FOXP1: variants seen among roughly 807,000 people sequenced by gnomAD.
FOXP1 encodes forkhead box protein P1.
Under a neutral mutation model 98.2 loss-of-function variants are expected in FOXP1, and 15 were observed. That is an observed-to-expected ratio of 0.15 (90% confidence interval 0.10 to 0.24). The LOEUF (loss-of-function observed/expected upper bound fraction) is 0.24. Ranked by LOEUF, FOXP1 falls within the 10% of genes least tolerant of loss-of-function variation. The probability of loss-of-function intolerance (pLI) is 1.00; values close to 1 mark genes in which losing one functional copy is unlikely to be tolerated. For missense variants in FOXP1, 633 were observed against 848.5 expected, an observed-to-expected ratio of 0.75 and a Z score of 3.15; for synonymous variants, 371 against 314.5, an observed-to-expected ratio of 1.18 and a Z score of -1.90.
chr3:71,260,190 A>G (rs962206279), intron 5 of FOXP1, among the ~76,000 whole-genome samples: 2 of 152,116 alleles, frequency 1.3e-5, no homozygotes, highest in African/African-American at 2.4e-5. Context: ...TCACCGTGTT[A>G]GCCAGGATGG....
intron 6 of FOXP1, chr3:71,130,349 T>C (rs1041703005): frequency 7.1e-6 from 5 of 700,384 alleles, no homozygotes; most frequent in African/African-American, 1.8e-5. Flanking sequence ...AAGCCTCTGA[T>C]GGAGAGAGGA....
intron 7 of FOXP1, among the ~76,000 whole-genome samples, chr3:71,065,464 C>T (rs2107344305): frequency 6.6e-6 from 1 of 152,316 alleles, no homozygotes; most frequent in Non-Finnish European, 1.5e-5. Flanking sequence ...CCTCGAAAAC[C>T]TCCCTGGGAG....
intron 2 of FOXP1, among the ~76,000 whole-genome samples, chr3:71,553,662 T>C (rs548217525): frequency 6.6e-6 from 1 of 152,336 alleles, no homozygotes; most frequent in South Asian, 2.1e-4. Flanking sequence ...GTTATTAAAA[T>C]TTCCAACAGA....
chr3:71,341,925 A>G (rs1318209237), intron 4 of FOXP1, among the ~76,000 whole-genome samples: 1 of 152,168 alleles, frequency 6.6e-6, no homozygotes, highest in Non-Finnish European at 1.5e-5. Context: ...TAGAACATGC[A>G]TGAGTCGCTT....
At chr3:71,010,410 A>T (rs898887241) in intron 12 of FOXP1, among the ~76,000 whole-genome samples, 7 of 152,152 alleles carry the variant, frequency 4.6e-5, no homozygotes, top group South Asian at 2.1e-4. Flanking sequence ...TATGCTGGGA[A>T]TACTACTACA....
At position 71,168,492 on chromosome 3, in the gene FOXP1, G is replaced by A. The variant is rs148953388; in HGVS notation, c.180+29710C>T. On this transcript the variant is annotated intron_variant, in intron 6 of 20. Coordinates refer to ENST00000649528, the MANE Select transcript of FOXP1 (RefSeq NM_001349338.3). ...ATATATGTGCAATGGCCAAATGGCCGGTAGACAAAACACCCACTCTAAGTG... is the reference window on the plus strand; with the variant it reads ...ATATATGTGCAATGGCCAAATGGCCAGTAGACAAAACACCCACTCTAAGTG... 2.0e-3 allele frequency among the ~76,000 whole-genome samples: 310 copies of A among 152,264 alleles called. 1 individual carries two copies. Among genetic ancestry groups the A allele is most frequent in the African/African-American group, 7.2e-3 (299 of 41,544 alleles).
chr3:70,991,219 G>A (rs1428657568), intron 13 of FOXP1, among the ~76,000 whole-genome samples: 1 of 152,112 alleles, frequency 6.6e-6, no homozygotes, highest in Non-Finnish European at 1.5e-5. Flanking sequence ...GGAACAGAAA[G>A]CAAAGGAAAG....
rs114542206 is a variant in FOXP1, at chr3:71,035,913, C to A, written c.869+5415G>T. Among the ~76,000 whole-genome samples, 924 of 152,194 alleles carry A rather than the reference C, an allele frequency of 6.1e-3. 9 individuals carry two copies. The highest frequency in any genetic ancestry group is 0.021 in the African/African-American group (885 of 41,510). On this transcript the variant is annotated intron_variant, in intron 11 of 20. Coordinates refer to ENST00000649528, the MANE Select transcript of FOXP1 (RefSeq NM_001349338.3). Reference sequence around the variant, plus strand: ...TATCTGGAACAGTTCTGAAAACTAACTTCTAGAATTTTAGCAAGTAAACCA... The same window carrying A: ...TATCTGGAACAGTTCTGAAAACTAAATTCTAGAATTTTAGCAAGTAAACCA...
At chr3:71,464,022 T>C (rs569430591) in intron 3 of FOXP1, among the ~76,000 whole-genome samples, 35 of 152,300 alleles carry the variant, frequency 2.3e-4, no homozygotes, top group Admixed American at 5.2e-4. Flanking sequence ...CTCACGCTTC[T>C]ATCCCAGCAC....
chr3:71,074,378 C>A (rs1018706602), intron 7 of FOXP1, among the ~76,000 whole-genome samples: 1 of 152,152 alleles, frequency 6.6e-6, no homozygotes, highest in African/African-American at 2.4e-5. Context: ...AGGTGCCTGC[C>A]TCCACGCCCG....
At chr3:71,131,912 A>ACTGCCT (rs1451127437) in intron 6 of FOXP1, among the ~76,000 whole-genome samples, 2 of 152,208 alleles carry the variant, frequency 1.3e-5, no homozygotes, top group African/African-American at 4.8e-5. Context: ...GATCTGGTTT[A>ACTGCCT]CTGCCTCATC....
intron 6 of FOXP1, among the ~76,000 whole-genome samples, chr3:71,116,206 T>TA (rs988668006): frequency 6.6e-5 from 10 of 152,166 alleles, no homozygotes; most frequent in East Asian, 1.9e-4. Context: ...TTGAAGGGGG[T>TA]AAAAAAGTCA....
At chr3:71,005,767 G>C (rs2042731817) in intron 12 of FOXP1, among the ~76,000 whole-genome samples, 1 of 152,116 alleles carries the variant, frequency 6.6e-6, no homozygotes, top group Non-Finnish European at 1.5e-5. Context: ...AAGCAGAAAA[G>C]GAAAAGTAGA....
intron 4 of FOXP1, among the ~76,000 whole-genome samples, chr3:71,352,777 T>C (rs6774982): frequency 0.26 from 38,879 of 152,078 alleles, 5,249 homozygotes; most frequent in Non-Finnish European, 0.3. Context: ...TGAGATTTTT[T>C]AGGGTTAGAT....
At chr3:71,115,945 C>A (rs796516414) in intron 6 of FOXP1, among the ~76,000 whole-genome samples, 1 of 152,032 alleles carries the variant, frequency 6.6e-6, no homozygotes, top group African/African-American at 2.4e-5. Flanking sequence ...CCACGTCGGC[C>A]GGGCTAGTCT....
intron 6 of FOXP1, among the ~76,000 whole-genome samples, chr3:71,132,795 T>A (rs1325590715): frequency 6.6e-6 from 1 of 152,148 alleles, no homozygotes; most frequent in Non-Finnish European, 1.5e-5. Context: ...GAGTCCTGGG[T>A]AACTAAGTTA....
At chr3:71,089,791 TA>T (rs1166802243) in intron 7 of FOXP1, among the ~76,000 whole-genome samples, 1 of 152,204 alleles carries the variant, frequency 6.6e-6, no homozygotes, top group East Asian at 1.9e-4. Flanking sequence ...TGGGCCACTA[TA>T]GCGTGCTGTT....
At chr3:71,459,612 G>A (rs1258280060) in intron 3 of FOXP1, among the ~76,000 whole-genome samples, 1 of 152,182 alleles carries the variant, frequency 6.6e-6, no homozygotes, top group South Asian at 2.1e-4. Flanking sequence ...TAGATATGGG[G>A]TTGTTGTTTT....
chr3:71,290,605 A>C (rs1381378410), intron 5 of FOXP1, among the ~76,000 whole-genome samples: 1 of 152,164 alleles, frequency 6.6e-6, no homozygotes, highest in Non-Finnish European at 1.5e-5. Flanking sequence ...TCTACCTCAA[A>C]GCCCCTCAAT....
Sources: gnomAD v4.1 joint callset for allele counts (sites outside exome capture counted in the v4.1 genomes callset) on GRCh38, gnomAD v4.1.1 for gene constraint, MANE v1.5 for transcripts, NCBI Gene and HGNC (gene_info 2026-07-23, HGNC 2026-07-21) for gene names.